HIVEP3: variants seen among roughly 807,000 people sequenced by gnomAD.
HIVEP3 encodes transcription factor HIVEP3.
HIVEP3 carries 49 observed loss-of-function variants against 152.8 expected under a neutral mutation model. The ratio of observed to expected loss-of-function variants is 0.32; its 90% CI spans 0.26 to 0.41. The LOEUF is 0.41. HIVEP3 is among the 10% of genes least tolerant of loss of function. The pLI is 1.00. For missense variants in HIVEP3, 2,790 were observed against 3,103.3 expected, an observed-to-expected ratio of 0.90 and a Z score of 2.40; for synonymous variants, 1,269 against 1,289.0, an observed-to-expected ratio of 0.98 and a Z score of 0.33.
At chr1:41,575,432 G>C in intron 5 of HIVEP3, 112 bp downstream of exon 5, 1 of 1,130,766 alleles carries the variant, frequency 8.8e-7, no homozygotes, top group East Asian at 2.4e-5. Flanking sequence ...GGGACCACAG[G>C]GCACCTGTGG....
chr1:41,890,090 A>G (rs1283420375), intron 1 of HIVEP3, among the ~76,000 whole-genome samples: 1 of 152,218 alleles, frequency 6.6e-6, no homozygotes, highest in Middle Eastern at 3.2e-3. Flanking sequence ...CATGTGATTC[A>G]ATTACCCTGT....
At chr1:41,696,616 G>T (rs1447668285) in intron 2 of HIVEP3, among the ~76,000 whole-genome samples, 3 of 152,256 alleles carry the variant, frequency 2.0e-5, no homozygotes, top group Non-Finnish European at 4.4e-5. Context: ...GAGCGTGGCA[G>T]ATGGGCACCA....
At chr1:41,955,092 T>G (rs1570841817) in intron 1 of HIVEP3, among the ~76,000 whole-genome samples, 1 of 152,098 alleles carries the variant, frequency 6.6e-6, no homozygotes, top group East Asian at 1.9e-4. Context: ...GTTGGTAGTA[T>G]TTACATGTTT....
intron 3 of HIVEP3, among the ~76,000 whole-genome samples, chr1:41,605,443 G>T (rs568590544): frequency 6.6e-6 from 1 of 151,534 alleles, no homozygotes; most frequent in African/African-American, 2.4e-5. Flanking sequence ...CCAGTACAGC[G>T]GTACACTTCT....
chr1:42,030,088 T>A (rs962870855), intron 1 of HIVEP3, among the ~76,000 whole-genome samples: 4 of 151,094 alleles, frequency 2.6e-5, no homozygotes, highest in Admixed American at 1.3e-4. Context: ...AAAGTCACCC[T>A]GTGAAGAAGC....
intron 1 of HIVEP3, among the ~76,000 whole-genome samples, chr1:41,850,815 T>G (rs1643577096): frequency 6.6e-6 from 1 of 152,198 alleles, no homozygotes; most frequent in African/African-American, 2.4e-5. Context: ...CACCACATTG[T>G]TGAACTGCAG....
chr1:41,921,618 G>A (rs747451984), upstream of HIVEP3, among the ~76,000 whole-genome samples: 3 of 152,030 alleles, frequency 2.0e-5, no homozygotes, highest in South Asian at 2.1e-4. Context: ...TGTGAGAACC[G>A]ACTAATACAG....
intron 1 of HIVEP3, among the ~76,000 whole-genome samples, chr1:41,886,003 G>A (rs1644340407): frequency 6.6e-6 from 1 of 152,156 alleles, no homozygotes; most frequent in Non-Finnish European, 1.5e-5. Context: ...TCAGGGCCCT[G>A]CCAGCATGGA....
intron 1 of HIVEP3, among the ~76,000 whole-genome samples, chr1:41,712,373 C>T (rs78664195): frequency 0.023 from 3,434 of 152,294 alleles, 173 homozygotes; most frequent in East Asian, 0.22. Flanking sequence ...CAGCCCTGGA[C>T]GAAGGCCAGG....
intron 1 of HIVEP3, among the ~76,000 whole-genome samples, chr1:41,750,583 C>A (rs1051507042): frequency 6.6e-6 from 1 of 152,162 alleles, no homozygotes; most frequent in East Asian, 1.9e-4. Context: ...TGGTTCATTG[C>A]CACTCATATT....
At chr1:41,722,471 T>C (rs1646691131) in intron 1 of HIVEP3, among the ~76,000 whole-genome samples, 1 of 134,144 alleles carries the variant, frequency 7.5e-6, no homozygotes. Flanking sequence ...CTTCCTCCCC[T>C]TCCCTCTCCC....
chr1:41,717,418 A>G (rs1293731743), intron 1 of HIVEP3, among the ~76,000 whole-genome samples: 1 of 152,376 alleles, frequency 6.6e-6, no homozygotes, highest in East Asian at 1.9e-4. Context: ...AATGAGCCCT[A>G]TGAAAGAAAA....
At chr1:41,842,060 T>C (rs1643305195) in intron 1 of HIVEP3, among the ~76,000 whole-genome samples, 1 of 151,788 alleles carries the variant, frequency 6.6e-6, no homozygotes, top group Admixed American at 6.6e-5. Context: ...AGCACTGCAC[T>C]CAGCCCGGGC....
intron 1 of HIVEP3, among the ~76,000 whole-genome samples, chr1:41,715,212 G>A (rs1646573227): frequency 6.6e-6 from 1 of 152,192 alleles, no homozygotes; most frequent in Non-Finnish European, 1.5e-5. Flanking sequence ...AGCCAGCCTG[G>A]CAGACTCCCT....
chr1:41,951,841 G>T (rs1408949), intron 1 of HIVEP3, among the ~76,000 whole-genome samples: 6,789 of 152,166 alleles, frequency 0.045, 204 homozygotes, highest in South Asian at 0.11. Context: ...CCTCCCACTT[G>T]GTCCCTCCCA....
intron 5 of HIVEP3, among the ~76,000 whole-genome samples, chr1:41,557,948 T>A (rs751743897): frequency 6.6e-6 from 1 of 152,178 alleles, no homozygotes; most frequent in Non-Finnish European, 1.5e-5. Context: ...AGCCTCACAG[T>A]GGCCTCACAG....
intron 1 of HIVEP3, among the ~76,000 whole-genome samples, chr1:41,822,139 G>A (rs1044792616): frequency 1.3e-5 from 2 of 152,140 alleles, no homozygotes; most frequent in Non-Finnish European, 2.9e-5. Context: ...GGGTCCCAGC[G>A]GGGCACTGAG....
intron 1 of HIVEP3, among the ~76,000 whole-genome samples, chr1:41,771,955 G>A (rs756351132): frequency 1.1e-4 from 17 of 152,080 alleles, no homozygotes; most frequent in Non-Finnish European, 1.8e-4. Context: ...GTGAGCCACC[G>A]CACCCAGTCC....
chr1:42,001,714 A>G (rs1164594689), intron 1 of HIVEP3, among the ~76,000 whole-genome samples: 2 of 152,192 alleles, frequency 1.3e-5, no homozygotes, highest in Non-Finnish European at 2.9e-5. Context: ...CATCTTTTAC[A>G]AGCAGCCCTG....
Sources: allele counts gnomAD v4.1 joint callset (sites outside exome capture counted in the v4.1 genomes callset), GRCh38; gene constraint gnomAD v4.1.1; transcripts MANE v1.5; gene names NCBI Gene and HGNC (gene_info 2026-07-23, HGNC 2026-07-21).